MIER3: variants seen among roughly 807,000 people sequenced by gnomAD.
MIER3 encodes MIER family member 3.
A neutral mutation model predicts 63.2 loss-of-function variants in MIER3; 9 were observed. That is an observed-to-expected ratio of 0.14 (90% CI 0.09 to 0.25). The LOEUF (loss-of-function observed/expected upper bound fraction) is 0.25, where lower values mean the gene tolerates loss of function less well. MIER3 is among the 10% of genes least tolerant of loss of function. The probability of loss-of-function intolerance (pLI) is 1.00; values close to 1 mark genes in which losing one functional copy is unlikely to be tolerated. For missense variants in MIER3, 512 were observed against 666.2 expected (o/e 0.77, Z 2.55); for synonymous variants, 205 against 224.9 (o/e 0.91, Z 0.79).
intron 1 of MIER3, 70 bp from the exon 2 acceptor site, chr5:56,950,722 G>T: frequency 6.4e-7 from 1 of 1,569,574 alleles, no homozygotes; most frequent in Non-Finnish European, 8.7e-7. Context: ...CGGCAACAGG[G>T]CGCAGAGGAG....
At position 56,928,981 on chromosome 5, in the gene MIER3, A is replaced by T. The variant is rs252892; in HGVS notation, c.830-120T>A. ...CTCTCTCTCTCTCTCACACACACAC[A>T]CTCTCTCTCTCACACACACACACAC... On this transcript the variant is annotated intron_variant, in intron 9 of 12. Coordinates refer to ENST00000381199, the MANE Select transcript of MIER3 (RefSeq NM_001297599.2). 3.5e-3 allele frequency: 1,618 copies of T among 468,682 alleles called. 164 individuals are homozygous for T. Among genetic ancestry groups the T allele is most frequent in the South Asian group, 9.2e-3 (411 of 44,636 alleles). 29.0% of individuals were successfully genotyped at this position (468,682 alleles called of 1,614,324 possible).
At chr5:56,952,030 G>A in intron 1 of MIER3, 64 bp downstream of exon 1, 1 of 1,244,704 alleles carries the variant, frequency 8.0e-7, no homozygotes, top group Non-Finnish European at 1.0e-6. Context: ...CTGGCTCGGG[G>A]GTCGCGGGGA....
intron 3 of MIER3, among the ~76,000 whole-genome samples, chr5:56,944,475 C>G (rs6896134): frequency 0.059 from 8,871 of 150,556 alleles, 897 homozygotes; most frequent in African/African-American, 0.2. Flanking sequence ...AGCGAGACTC[C>G]GTCTCAAAAA....
intron 1 of MIER3, among the ~76,000 whole-genome samples, chr5:56,951,778 G>C (rs1751042592): frequency 6.6e-6 from 1 of 151,778 alleles, no homozygotes; most frequent in Non-Finnish European, 1.5e-5. Context: ...TCAGCGACCG[G>C]GGACACGGCA....
At chr5:56,937,469 AC>A (rs1372545804) in intron 5 of MIER3, 108 bp downstream of exon 5, 1 of 1,098,828 alleles carries the variant, frequency 9.1e-7, no homozygotes, top group Non-Finnish European at 1.3e-6. Context: ...TTTTATCTCA[AC>A]CACATAAAAT....
chr5:56,942,479 T>C (rs1175975461), intron 3 of MIER3, among the ~76,000 whole-genome samples: 3 of 152,170 alleles, frequency 2.0e-5, no homozygotes, highest in African/African-American at 7.2e-5. Context: ...ATTTCTGGCC[T>C]GAGAAGTTAG....
Position 56,921,273 on chromosome 5 carries a change from G to A in MIER3, c.*1855C>T, listed in dbSNP as rs962869774. 4 of 152,452 alleles carry A rather than the reference G, an allele frequency of 2.6e-5. No homozygotes were observed. The highest frequency in any genetic ancestry group is 6.5e-5 in the Admixed American group (1 of 15,272). The allele number at this position is 152,452 out of a possible 1,614,324, so 9.4% of individuals were successfully genotyped here. On this transcript the variant is annotated 3_prime_UTR_variant, in exon 13 of 13. Coordinates refer to ENST00000381199, the MANE Select transcript of MIER3 (RefSeq NM_001297599.2). ...AGTATCTTACTAAATTATAGAAAGT[G>A]TACTGATTTTTAATAAAAGAAATAA... is the stretch of plus-strand genomic sequence containing the variant.
At chr5:56,935,818 G>A in intron 5 of MIER3, 67 bp from the exon 6 acceptor site, 1 of 1,190,676 alleles carries the variant, frequency 8.4e-7, no homozygotes, top group Non-Finnish European at 1.2e-6. Context: ...AATGCCTGTT[G>A]TATTTTACAA....
chr5:56,940,368 T>C (rs1386173059), intron 3 of MIER3, among the ~76,000 whole-genome samples: 1 of 151,748 alleles, frequency 6.6e-6, no homozygotes, highest in Non-Finnish European at 1.5e-5. Context: ...TAAAGCAGAG[T>C]GTGCAAAACA....
chr5:56,938,748 A>T, intron 4 of MIER3, 135 bp downstream of exon 4: 30 of 1,171,996 alleles, frequency 2.6e-5, no homozygotes, highest in Non-Finnish European at 3.3e-5. Context: ...ACAAAGTTTA[A>T]ATCAGCCACC....
chr5:56,941,367 GT>G (rs1321813746), intron 3 of MIER3: 2 of 154,940 alleles, frequency 1.3e-5, no homozygotes, highest in Non-Finnish European at 2.8e-5. Flanking sequence ...GGGCTGCCAA[GT>G]TTGATGAGTG....
intron 3 of MIER3, among the ~76,000 whole-genome samples, chr5:56,944,478 C>T (rs1750760271): frequency 1.3e-5 from 2 of 149,672 alleles, no homozygotes; most frequent in Non-Finnish European, 3.0e-5. Context: ...GAGACTCCGT[C>T]TCAAAAAAAA....
At chr5:56,946,809 T>C in intron 3 of MIER3, 117 bp downstream of exon 3, 2 of 804,106 alleles carry the variant, frequency 2.5e-6, no homozygotes, top group Non-Finnish European at 3.7e-6. Context: ...TCCCCCAAAA[T>C]AAGAGTGAAA....
chr5:56,946,765 T>C (rs1750835574), intron 3 of MIER3, among the ~76,000 whole-genome samples, 161 bp downstream of exon 3: 2 of 151,828 alleles, frequency 1.3e-5, no homozygotes, highest in Admixed American at 1.3e-4. Context: ...AAAATAATTT[T>C]GAAAAATTAA....
intron 5 of MIER3, among the ~76,000 whole-genome samples, chr5:56,936,296 G>C (rs1303382067): frequency 6.6e-6 from 1 of 152,006 alleles, no homozygotes; most frequent in African/African-American, 2.4e-5. Context: ...AAACCACTGT[G>C]GTCACCTTAA....
rs1204254795 is a variant in MIER3, at chr5:56,922,317, C to G, written c.*811G>C. On this transcript the variant is annotated 3_prime_UTR_variant, in exon 13 of 13. Transcript: ENST00000381199. The stretch of plus-strand genomic sequence containing the variant: ...ATCTTGACAATGGTGGACAAAACCC[C>G]ATCTGAGTACCACATCTTCAAATGC... 1 of 152,410 alleles carries G rather than the reference C, an allele frequency of 6.6e-6. No individual in the cohort carries two copies. Among genetic ancestry groups the G allele is most frequent in the Non-Finnish European group, 1.5e-5 (1 of 68,030 alleles). 9.4% of individuals were successfully genotyped at this position (152,410 alleles called of 1,614,324 possible). A position where few individuals can be genotyped will look rare whatever the true frequency, so the allele number is the denominator to read the frequency against.
Position 56,937,662 on chromosome 5 carries a change from C to T in MIER3, c.352G>A (p.Glu118Lys), listed in dbSNP as rs768050096. 8 of 1,612,086 alleles carry T rather than the reference C, an allele frequency of 5.0e-6. No homozygotes were observed. The highest frequency in any genetic ancestry group is 6.8e-6 in the Non-Finnish European group (8 of 1,178,944). The change falls in exon 5 of 13, where the codon GAG (glutamate) becomes AAG (lysine). Residue 118 changes from glutamate (E) to lysine (K), a missense_variant. Transcript: ENST00000381199. Reference protein sequence around the residue: ...IAKDLLSGDDEETQSSADDLT... With the variant: ...IAKDLLSGDDKETQSSADDLT... ...TCATCCGCAGAAGACTGAGTTTCCT[C>T]GTCATCACCTGACAACAGGTCTTTT... is the stretch of plus-strand genomic sequence containing the variant.
intron 5 of MIER3, 147 bp from the exon 6 acceptor site, chr5:56,935,898 G>T: frequency 1.5e-6 from 1 of 649,402 alleles, no homozygotes; most frequent in South Asian, 1.9e-5. Flanking sequence ...AATCGACATT[G>T]GTCAAAATGA....
intron 1 of MIER3, 127 bp from the exon 2 acceptor site, chr5:56,950,779 C>A: frequency 9.4e-7 from 1 of 1,067,464 alleles, no homozygotes; most frequent in Non-Finnish European, 1.4e-6. Flanking sequence ...CAAGACGTAG[C>A]TTCACTCGAA....
Sources: allele counts gnomAD v4.1 joint callset (sites outside exome capture counted in the v4.1 genomes callset), GRCh38; gene constraint gnomAD v4.1.1; transcripts MANE v1.5; gene names NCBI Gene and HGNC (gene_info 2026-07-23, HGNC 2026-07-21).